Variants in INTU observed in about 807,000 individuals in gnomAD.
The protein encoded by INTU is inturned planar cell polarity protein, also known as protein inturned.
In INTU, 68 loss-of-function variants were observed where a neutral mutation model predicts 100.5. The observed-to-expected ratio is 0.68, with a 90% CI of 0.56 to 0.83. The LOEUF (loss-of-function observed/expected upper bound fraction) is 0.83. INTU is among the 40% of genes least tolerant of loss of function. INTU has a pLI of 0.00. For synonymous variants in INTU, 357 were observed against 395.7 expected (o/e 0.90, Z 1.16); for missense variants, 1,071 against 1,114.7 (o/e 0.96, Z 0.56).
At chr4:127,691,815 C>T (rs759080345) in intron 8 of INTU, among the ~76,000 whole-genome samples, 8 of 151,794 alleles carry the variant, frequency 5.3e-5, no homozygotes, top group Non-Finnish European at 8.8e-5. Flanking sequence ...CATAGCTTAG[C>T]TCCCACCTAT....
At chr4:127,658,992 C>A (rs528050006) in intron 3 of INTU, among the ~76,000 whole-genome samples, 1 of 152,122 alleles carries the variant, frequency 6.6e-6, no homozygotes, top group South Asian at 2.1e-4. Flanking sequence ...ATTAGATTAT[C>A]ATAAGGAGTG....
intron 6 of INTU, chr4:127,676,147 G>T (rs188972552): frequency 1.2e-5 from 2 of 164,662 alleles, no homozygotes; most frequent in Non-Finnish European, 2.7e-5. Context: ...GGATAATGGC[G>T]CTGTGACATA....
At chr4:127,681,371 A>G (rs1222836456) in intron 6 of INTU, among the ~76,000 whole-genome samples, 1 of 152,244 alleles carries the variant, frequency 6.6e-6, no homozygotes, top group Non-Finnish European at 1.5e-5. Context: ...GGCTACAGTA[A>G]CCACAACAGC....
At position 127,684,399 on chromosome 4, in the gene INTU, G is replaced by T. The variant is rs905605933; in HGVS notation, c.1182-10G>T. 6.6e-7 allele frequency: 1 copy of T among 1,517,000 alleles called. No homozygotes were observed. The highest frequency in any genetic ancestry group is 9.0e-7 in the Non-Finnish European group (1 of 1,105,312). The allele number at this position is 1,517,000 out of a possible 1,614,324, so 94.0% of individuals were successfully genotyped here. A position where few individuals can be genotyped will look rare whatever the true frequency, so the allele number is the denominator to read the frequency against. Reference sequence around the variant, plus strand: ...GTTGTAAATTAATACGTGTAATTTTGCTTTTTTAGAGTTCCTCTTCCTCGT... The same window carrying T: ...GTTGTAAATTAATACGTGTAATTTTTCTTTTTTAGAGTTCCTCTTCCTCGT... On this transcript the variant is annotated splice_polypyrimidine_tract_variant and intron_variant, in intron 6 of 15. Transcript: ENST00000335251.
At chr4:127,655,497 G>C (rs1417959810) in intron 2 of INTU, among the ~76,000 whole-genome samples, 7 of 151,292 alleles carry the variant, frequency 4.6e-5, no homozygotes, top group East Asian at 1.9e-4. Context: ...AGGTGTCAGT[G>C]TTCCCCTGCT....
intron 2 of INTU, among the ~76,000 whole-genome samples, chr4:127,649,213 A>C (rs1360174577): frequency 1.3e-5 from 2 of 152,218 alleles, no homozygotes; most frequent in Non-Finnish European, 2.9e-5. Context: ...AGGGAACACC[A>C]ATCTTTTATA....
chr4:127,685,446 A>T (rs1168011612), intron 7 of INTU: 4 of 455,798 alleles, frequency 8.8e-6, no homozygotes, highest in Admixed American at 7.1e-5. Context: ...TTACAGTATC[A>T]TGAAGGAATT....
chr4:127,675,385 G>A (rs745712624), intron 6 of INTU, among the ~76,000 whole-genome samples: 8 of 152,172 alleles, frequency 5.3e-5, no homozygotes, highest in Non-Finnish European at 1.0e-4. Context: ...CAATCTGAAC[G>A]TGAATATGAC....
intron 6 of INTU, among the ~76,000 whole-genome samples, chr4:127,680,089 A>C (rs965161272): frequency 2.2e-4 from 34 of 152,198 alleles, no homozygotes; most frequent in Non-Finnish European, 4.7e-4. Flanking sequence ...CAATAACAGA[A>C]TCTGAAATGG....
At chr4:127,704,206 C>T (rs542787687) in intron 9 of INTU, 22 bp from the exon 10 acceptor site, 6 of 1,579,538 alleles carry the variant, frequency 3.8e-6, no homozygotes, top group Non-Finnish European at 5.2e-6. Context: ...AATATAAAAT[C>T]CACTATGAAT....
chr4:127,656,702 G>T lies in INTU; in HGVS notation c.749G>T (p.Cys250Phe). 6.2e-7 allele frequency: 1 copy of T among 1,607,822 alleles called. No individual in the cohort carries two copies. Among genetic ancestry groups the T allele is most frequent in the East Asian group, 2.2e-5 (1 of 44,808 alleles). ...GAAAACATCGAGAGAGTTCTGTCTT[G>T]CATTCCTGGACCTATGCAGGTATGG... Reference protein sequence around the residue: ...TTENIERVLSCIPGPMQVKLT... With the variant: ...TTENIERVLSFIPGPMQVKLT... Residue 250 changes from cysteine to phenylalanine, a missense_variant, in exon 3 of 16, where the codon TGC (cysteine) becomes TTC (phenylalanine). By Grantham distance (205) the Cys-to-Phe change is radical. Coordinates refer to ENST00000335251, the MANE Select transcript of INTU (RefSeq NM_015693.4).
At chr4:127,657,580 G>A (rs1327986409) in intron 3 of INTU, among the ~76,000 whole-genome samples, 2 of 152,008 alleles carry the variant, frequency 1.3e-5, no homozygotes, top group Non-Finnish European at 2.9e-5. Context: ...GCTCCCCATC[G>A]CTCACATTAG....
intron 8 of INTU, among the ~76,000 whole-genome samples, chr4:127,698,317 G>A (rs901720438): frequency 2.0e-5 from 3 of 151,698 alleles, no homozygotes; most frequent in African/African-American, 7.2e-5. Context: ...AAAAAATTAG[G>A]CAGGCGTGGT....
At chr4:127,712,211 G>C (rs1024468678) in intron 14 of INTU, among the ~76,000 whole-genome samples, 1 of 152,150 alleles carries the variant, frequency 6.6e-6, no homozygotes, top group African/African-American at 2.4e-5. Flanking sequence ...TATGAAGCAA[G>C]TGGGCTGAAT....
At position 127,655,462 on chromosome 4, in the gene INTU, G is replaced by A. The variant is rs573023608; in HGVS notation, c.683-1174G>A. Among the ~76,000 whole-genome samples the A allele has an allele frequency of 4.0e-5, 6 of 150,234 alleles. No homozygotes were observed. In the South Asian group the frequency reaches 1.3e-3, roughly 32 times the overall value. On this transcript the variant is annotated intron_variant, in intron 2 of 15. Transcript: ENST00000335251. ...TAACAGACTGTACCCTCAGCTGCAGGTCTGTTGGAATACCCTGCCGTGTGA... is the reference window on the plus strand; with the variant it reads ...TAACAGACTGTACCCTCAGCTGCAGATCTGTTGGAATACCCTGCCGTGTGA...
chr4:127,681,949 G>A (rs1451373268), intron 6 of INTU, among the ~76,000 whole-genome samples: 1 of 151,956 alleles, frequency 6.6e-6, no homozygotes, highest in African/African-American at 2.4e-5. Context: ...CGAAGGACAT[G>A]AACAGATACT....
At chr4:127,633,645 G>A (rs1192952946) in intron 1 of INTU, among the ~76,000 whole-genome samples, 1 of 152,264 alleles carries the variant, frequency 6.6e-6, no homozygotes, top group Non-Finnish European at 1.5e-5. Context: ...GAAATGAATA[G>A]CTATATAACA....
Position 127,643,623 on chromosome 4 carries a change from A to G in INTU, c.249A>G (p.Pro83=), listed in dbSNP as rs1257482064. 13 of 1,613,644 alleles carry G rather than the reference A, an allele frequency of 8.1e-6. 1 individual carries two copies. The South Asian group carries it at 1.3e-4, about 16-fold the overall frequency. The part of the protein sequence containing the change: ...DEEESLLPET[P]TVNHVRFSEN... ...AAGAAAGCCTCCTTCCTGAGACACC[A>G]ACTGTGAACCATGTCAGGTTCAGTG... The change falls in exon 2 of 16, where the codon CCA becomes CCG. Residue 83 remains proline, a synonymous_variant. Transcript: ENST00000335251.
At position 127,718,576 on chromosome 4, in the gene INTU, G is replaced by T. The variant is rs1224037198; in HGVS notation, c.*2140G>T. 1 of 152,186 alleles carries T rather than the reference G, an allele frequency of 6.6e-6. No individual in the cohort carries two copies. Among genetic ancestry groups the T allele is most frequent in the Admixed American group, 6.5e-5 (1 of 15,280 alleles). The allele number at this position is 152,186 out of a possible 1,614,324, so 9.4% of individuals were successfully genotyped here. The stretch of plus-strand genomic sequence containing the variant: ...TTGACTCTATAAATTACTTTGGGCA[G>T]TATGGCTATTTTCATGATATTGATT... On this transcript the variant is annotated 3_prime_UTR_variant, in exon 16 of 16. Coordinates refer to ENST00000335251, the MANE Select transcript of INTU (RefSeq NM_015693.4).
Sources: gnomAD v4.1 joint callset for allele counts (sites outside exome capture counted in the v4.1 genomes callset) on GRCh38, gnomAD v4.1.1 for gene constraint, MANE v1.5 for transcripts, NCBI Gene and HGNC (gene_info 2026-07-23, HGNC 2026-07-21) for gene names.